CDC14A: variants seen among roughly 807,000 people sequenced by gnomAD.
CDC14A encodes the protein dual specificity protein phosphatase CDC14A.
Under a neutral mutation model 74.4 loss-of-function variants are expected in CDC14A, and 53 were observed. The observed-to-expected ratio is 0.71, with a 90% CI of 0.57 to 0.89. CDC14A has a LOEUF of 0.89. Ranked by LOEUF, CDC14A falls within the 40% of genes least tolerant of loss-of-function variation. CDC14A has a pLI of 0.00. For missense variants in CDC14A, 646 were observed against 713.7 expected, an observed-to-expected ratio of 0.91 and a Z score of 1.08; for synonymous variants, 247 against 258.4, an observed-to-expected ratio of 0.96 and a Z score of 0.43.
chr1:100,476,241 T>G (rs1668886528), intron 10 of CDC14A, among the ~76,000 whole-genome samples: 1 of 152,030 alleles, frequency 6.6e-6, no homozygotes, highest in African/African-American at 2.4e-5. Context: ...TCGCATGAGG[T>G]CAAGAGTTTG....
intron 15 of CDC14A, among the ~76,000 whole-genome samples, chr1:100,517,917 A>G (rs556981963): frequency 6.6e-6 from 1 of 152,370 alleles, no homozygotes; most frequent in Admixed American, 6.5e-5. Context: ...GTATCTTTTA[A>G]TATTGTTAAG....
chr1:100,467,299 T>C (rs953117384), intron 9 of CDC14A, among the ~76,000 whole-genome samples: 2 of 152,184 alleles, frequency 1.3e-5, no homozygotes, highest in Non-Finnish European at 2.9e-5. Flanking sequence ...CTTTATTGTT[T>C]GATCAGGGAA....
At chr1:100,345,614 CAT>C (rs1357892669) in intron 1 of CDC14A, among the ~76,000 whole-genome samples, 9 of 152,202 alleles carry the variant, frequency 5.9e-5, no homozygotes, top group South Asian at 4.1e-4. Context: ...AGATGATTCA[CAT>C]GAGTTCATCT....
chr1:100,435,483 T>C (rs918921589), intron 5 of CDC14A, among the ~76,000 whole-genome samples: 2 of 152,166 alleles, frequency 1.3e-5, no homozygotes, highest in African/African-American at 4.8e-5. Context: ...TTACTGGTGA[T>C]GGTTGTACAA....
At chr1:100,403,836 C>T (rs1285260622) in intron 4 of CDC14A, among the ~76,000 whole-genome samples, 1 of 152,148 alleles carries the variant, frequency 6.6e-6, no homozygotes, top group Non-Finnish European at 1.5e-5. Context: ...CTGAGCCTGC[C>T]TTACTGGGTC....
intron 3 of CDC14A, among the ~76,000 whole-genome samples, chr1:100,386,553 T>G (rs1434625137): frequency 6.6e-6 from 1 of 152,120 alleles, no homozygotes; most frequent in African/African-American, 2.4e-5. Flanking sequence ...CCCTGCACTT[T>G]GGGAGGCTGG....
intron 15 of CDC14A, among the ~76,000 whole-genome samples, chr1:100,510,697 ATC>A (rs1474649601): frequency 2.0e-5 from 3 of 152,188 alleles, no homozygotes; most frequent in African/African-American, 4.8e-5. Flanking sequence ...CATCTGTTGT[ATC>A]TGTTCCTCAT....
intron 4 of CDC14A, among the ~76,000 whole-genome samples, chr1:100,412,740 T>A (rs12751846): frequency 5.6e-4 from 56 of 99,824 alleles, no homozygotes; most frequent in African/African-American, 1.8e-3. Context: ...TATATATATT[T>A]TATATATATA....
At chr1:100,501,762 C>T (rs1648758079) in intron 15 of CDC14A, among the ~76,000 whole-genome samples, 1 of 152,134 alleles carries the variant, frequency 6.6e-6, no homozygotes, top group Non-Finnish European at 1.5e-5. Flanking sequence ...TGTTACTGCT[C>T]CTGAAGACCT....
intron 10 of CDC14A, among the ~76,000 whole-genome samples, chr1:100,481,864 T>C (rs537345858): frequency 6.6e-6 from 1 of 152,348 alleles, no homozygotes; most frequent in African/African-American, 2.4e-5. Context: ...TGCTTAAAAA[T>C]ACATGTTTTA....
rs557995554 is a variant in CDC14A, at chr1:100,490,259, A to G, written c.1138-4559A>G. 7.2e-5 allele frequency among the ~76,000 whole-genome samples: 11 copies of G among 152,272 alleles called. No individual in the cohort carries two copies. The East Asian group carries it at 1.7e-3, about 24-fold the overall frequency. On this transcript the variant is annotated intron_variant, in intron 11 of 15. Coordinates refer to ENST00000336454, the MANE Select transcript of CDC14A (RefSeq NM_003672.4). ...CCAGGAGGCCAAAGTCCTTTTCCAT[A>G]TAGCTTTTTAGTTTCTTAATTCTGT...
intron 15 of CDC14A, among the ~76,000 whole-genome samples, chr1:100,502,002 G>A (rs957068327): frequency 6.6e-6 from 1 of 152,124 alleles, no homozygotes; most frequent in African/African-American, 2.4e-5. Context: ...AAGTGATTGG[G>A]AGTTGATAAA....
chr1:100,376,721 G>C (rs1655312639), intron 2 of CDC14A, among the ~76,000 whole-genome samples: 1 of 152,120 alleles, frequency 6.6e-6, no homozygotes, highest in Admixed American at 6.5e-5. Context: ...GAGATGTTAG[G>C]GGATGAAGAG....
At chr1:100,493,891 C>T (rs1271279395) in intron 11 of CDC14A, among the ~76,000 whole-genome samples, 2 of 152,156 alleles carry the variant, frequency 1.3e-5, no homozygotes, top group African/African-American at 2.4e-5. Context: ...GATGGAAGTA[C>T]ATTTTTCATC....
chr1:100,421,870 C>G (rs531924575), intron 4 of CDC14A, among the ~76,000 whole-genome samples: 2 of 152,198 alleles, frequency 1.3e-5, no homozygotes. Flanking sequence ...TTTTAATAAG[C>G]AGACATGTCT....
chr1:100,456,631 C>T (rs912747518), intron 8 of CDC14A, among the ~76,000 whole-genome samples: 3 of 147,534 alleles, frequency 2.0e-5, no homozygotes, highest in African/African-American at 7.8e-5. Flanking sequence ...ATAGCAAAAC[C>T]CTGTCTCTTA....
At chr1:100,490,908 TA>T (rs1326081988) in intron 11 of CDC14A, among the ~76,000 whole-genome samples, 1 of 152,224 alleles carries the variant, frequency 6.6e-6, no homozygotes, top group African/African-American at 2.4e-5. Flanking sequence ...GTTTAGGGAA[TA>T]CAAAGCTCTT....
At chr1:100,432,620 TATAAA>T (rs1252951958) in intron 5 of CDC14A, among the ~76,000 whole-genome samples, 5 of 152,168 alleles carry the variant, frequency 3.3e-5, no homozygotes, top group Admixed American at 3.3e-4. Flanking sequence ...AAAGATTTAA[TATAAA>T]AGAAAAATGT....
chr1:100,449,745 G>T (rs769130031), intron 7 of CDC14A, among the ~76,000 whole-genome samples: 2 of 152,100 alleles, frequency 1.3e-5, no homozygotes, highest in Non-Finnish European at 2.9e-5. Context: ...TAACCTACTA[G>T]CACAGTACAC....
Sources: gnomAD v4.1 joint callset for allele counts (sites outside exome capture counted in the v4.1 genomes callset) on GRCh38, gnomAD v4.1.1 for gene constraint, MANE v1.5 for transcripts, NCBI Gene and HGNC (gene_info 2026-07-23, HGNC 2026-07-21) for gene names.